Variants in SLC10A2 observed in about 807,000 individuals in gnomAD.
SLC10A2 encodes ileal sodium/bile acid cotransporter.
Under a neutral mutation model 27.1 loss-of-function variants are expected in SLC10A2, and 34 were observed. The ratio of observed to expected loss-of-function variants is 1.26; its 90% CI spans 0.96 to 1.67. The LOEUF is 1.67. Among genes scored for constraint, SLC10A2 ranks in the 40% most tolerant of loss-of-function variants. The pLI is 0.00. For synonymous variants in SLC10A2, 205 were observed against 174.0 expected (o/e 1.18, Z -1.40); for missense variants, 530 against 444.4 (o/e 1.19, Z -1.73).
intron 1 of SLC10A2, among the ~76,000 whole-genome samples, chr13:103,064,244 T>C (rs750468868): frequency 6.6e-6 from 1 of 151,274 alleles, no homozygotes. Flanking sequence ...CTACTTTTAG[T>C]TCTTATTAAA....
intron 5 of SLC10A2, 32 bp from the exon 6 acceptor site, chr13:103,046,292 T>G: frequency 6.4e-7 from 1 of 1,553,486 alleles, no homozygotes; most frequent in Non-Finnish European, 8.8e-7. Context: ...GTTAAGTAAA[T>G]TTTATAATAA....
intron 5 of SLC10A2, among the ~76,000 whole-genome samples, chr13:103,049,011 G>T (rs1321009639): frequency 6.6e-6 from 1 of 152,156 alleles, no homozygotes; most frequent in Admixed American, 6.5e-5. Context: ...GTCCCAACAG[G>T]TTCCTCTGCC....
chr13:103,058,612 C>T (rs115621355), intron 1 of SLC10A2, among the ~76,000 whole-genome samples: 4,066 of 152,188 alleles, frequency 0.027, 179 homozygotes, highest in African/African-American at 0.093. Flanking sequence ...TTCCTCCCAC[C>T]CTCCACCCTC....
chr13:103,051,267 G>A lies in SLC10A2; in HGVS notation c.751C>T (p.Pro251Ser), dbSNP rs1462240395. 2.5e-6 allele frequency: 4 copies of A among 1,613,744 alleles called. No homozygotes were observed. The African/African-American group carries it at 4.0e-5, about 16-fold the overall frequency. Residue 251 changes from proline (P) to serine (S), a missense_variant, in exon 4 of 6, where the codon CCC becomes TCC. Pro to Ser is a moderately conservative substitution (Grantham distance 74). Coordinates refer to ENST00000245312, the MANE Select transcript of SLC10A2 (RefSeq NM_000452.3). ...TACTAAATGCCATACCTGTACCAGG[G>A]TAGACCAGCAATTCTAGCCAGAAGA... is the stretch of plus-strand genomic sequence containing the variant. ...GFLLARIAGLPWYRCRTVAFE... is the reference protein window; with the variant it reads ...GFLLARIAGLSWYRCRTVAFE...
Position 103,048,201 on chromosome 13 carries a change from C to T in SLC10A2, c.919+1088G>A, listed in dbSNP as rs189090195. Among the ~76,000 whole-genome samples the T allele has an allele frequency of 5.7e-3, 871 of 151,970 alleles. 2 individuals carry two copies. The highest frequency in any genetic ancestry group is 0.01 in the Non-Finnish European group (694 of 67,960). On this transcript the variant is annotated intron_variant, in intron 5 of 5. Coordinates refer to ENST00000245312, the MANE Select transcript of SLC10A2 (RefSeq NM_000452.3). ...CGATCTCCTGACCTCATGATCTGCCCGCCTCGGAACCCCGTCTCTACTAAA... is the reference window on the plus strand; with the variant it reads ...CGATCTCCTGACCTCATGATCTGCCTGCCTCGGAACCCCGTCTCTACTAAA...
At chr13:103,056,445 A>G (rs1566513376) in intron 2 of SLC10A2, among the ~76,000 whole-genome samples, 1 of 152,102 alleles carries the variant, frequency 6.6e-6, no homozygotes, top group Non-Finnish European at 1.5e-5. Context: ...AGAATATGGT[A>G]TAAGTCATTC....
At position 103,045,055 on chromosome 13, in the gene SLC10A2, T is replaced by G. The variant is rs1489607773; in HGVS notation, c.*1078A>C. The G allele has an allele frequency of 6.6e-6, 1 of 152,250 alleles. No individual in the cohort carries two copies. Among genetic ancestry groups the G allele is most frequent in the Non-Finnish European group, 1.5e-5 (1 of 68,044 alleles). The allele number at this position is 152,250 out of a possible 1,614,324, so 9.4% of individuals were successfully genotyped here. A position where few individuals can be genotyped will look rare whatever the true frequency, so the allele number is the denominator to read the frequency against. On this transcript the variant is annotated 3_prime_UTR_variant, in exon 6 of 6. Transcript: ENST00000245312. ...TTTAATACTCATTTCCTGATCACTC[T>G]CGGACTTGATTCTTCTTATACTACT...
At chr13:103,049,817 T>C (rs1566510974) in intron 4 of SLC10A2, among the ~76,000 whole-genome samples, 1 of 152,066 alleles carries the variant, frequency 6.6e-6, no homozygotes, top group African/African-American at 2.4e-5. Flanking sequence ...GATATGGTAT[T>C]TGTTGTCGCT....
chr13:103,054,799 G>A (rs1875893976), intron 2 of SLC10A2, among the ~76,000 whole-genome samples: 1 of 152,034 alleles, frequency 6.6e-6, no homozygotes, highest in South Asian at 2.1e-4. Context: ...GCTTGTAGAG[G>A]TGGATGTTGT....
chr13:103,049,379 A>C lies in SLC10A2; in HGVS notation c.829T>G (p.Ser277Ala), dbSNP rs769930944. Residue 277 changes from serine to alanine, a missense_variant, in exon 5 of 6, where the codon TCC becomes GCC. By Grantham distance (99) the Ser-to-Ala change is moderately conservative. Transcript: ENST00000245312. ...TQLCSTIVQL[S>A]FTPEELNVVF... Reference sequence around the variant, plus strand: ...ACATTGAGCTCCTCAGGAGTGAAGGAGAGCTGAACGATGGTGGAACATAGC... The same window carrying C: ...ACATTGAGCTCCTCAGGAGTGAAGGCGAGCTGAACGATGGTGGAACATAGC... The C allele has an allele frequency of 6.2e-7, 1 of 1,614,072 alleles. No homozygotes were observed. Among genetic ancestry groups the C allele is most frequent in the Non-Finnish European group, 8.5e-7 (1 of 1,179,950 alleles).
At chr13:103,056,563 G>A (rs1352692717) in intron 2 of SLC10A2, among the ~76,000 whole-genome samples, 4 of 152,122 alleles carry the variant, frequency 2.6e-5, no homozygotes, top group Admixed American at 1.3e-4. Context: ...ATTACAGTGA[G>A]TATTGTGGAA....
intron 2 of SLC10A2, among the ~76,000 whole-genome samples, chr13:103,054,665 T>C (rs279913): frequency 0.42 from 64,261 of 151,918 alleles, 14,105 homozygotes; most frequent in African/African-American, 0.54. Flanking sequence ...CACCACCTGC[T>C]GAAATCCATG....
At chr13:103,051,102 C>T (rs1875763504) in intron 4 of SLC10A2, among the ~76,000 whole-genome samples, 155 bp downstream of exon 4, 2 of 152,098 alleles carry the variant, frequency 1.3e-5, no homozygotes, top group African/African-American at 4.8e-5. Flanking sequence ...TCAGTGACAC[C>T]TTCATTTTCA....
rs183439701 is a variant in SLC10A2 at position 103,054,188 on chromosome 13, G to T, written c.497-1480C>A. Among the ~76,000 whole-genome samples, 8 of 151,886 alleles carry T rather than the reference G, an allele frequency of 5.3e-5. No individual in the cohort carries two copies. In the East Asian group the frequency reaches 1.5e-3, roughly 29 times the overall value. The stretch of plus-strand genomic sequence containing the variant: ...ATGTGATCTGGTTGTCTATAAGTGT[G>T]CACACCTCCTTCTTTGCTCTCTTCC... On this transcript the variant is annotated intron_variant, in intron 2 of 5. Transcript: ENST00000245312.
At chr13:103,064,600 G>A (rs1876218136) in intron 1 of SLC10A2, among the ~76,000 whole-genome samples, 1 of 152,134 alleles carries the variant, frequency 6.6e-6, no homozygotes, top group Non-Finnish European at 1.5e-5. Flanking sequence ...AACAGGTGCT[G>A]GCATTTAGAA....
chr13:103,056,447 A>G (rs1305808969), intron 2 of SLC10A2, among the ~76,000 whole-genome samples: 1 of 152,112 alleles, frequency 6.6e-6, no homozygotes, highest in Non-Finnish European at 1.5e-5. Flanking sequence ...AATATGGTAT[A>G]AGTCATTCAC....
chr13:103,045,450 G>A lies in SLC10A2; in HGVS notation c.*683C>T, dbSNP rs912559035. The A allele has an allele frequency of 6.6e-6, 1 of 152,300 alleles. No individual in the cohort carries two copies. The highest frequency in any genetic ancestry group is 2.4e-5 in the African/African-American group (1 of 41,432). 9.4% of individuals were successfully genotyped at this position (152,300 alleles called of 1,614,324 possible). On this transcript the variant is annotated 3_prime_UTR_variant, in exon 6 of 6. Transcript: ENST00000245312. ...GGACCCCTGAGGTAGAGCAATAGAT[G>A]TACGATATCCCTGCTGAGTTAAGAG...
chr13:103,047,558 C>CT (rs1445219429), intron 5 of SLC10A2, among the ~76,000 whole-genome samples: 7 of 144,132 alleles, frequency 4.9e-5, no homozygotes, highest in African/African-American at 1.3e-4. Flanking sequence ...CCCATCCTTC[C>CT]TTTTTTCCCT....
rs563031989 is a variant in SLC10A2, at chr13:103,055,985, A to G, written c.496+2279T>C. Among the ~76,000 whole-genome samples, 17 of 152,314 alleles carry G rather than the reference A, an allele frequency of 1.1e-4. No individual in the cohort carries two copies. In the South Asian group the frequency reaches 2.9e-3, roughly 26 times the overall value. ...CCTTTGTTGTCTATTGCCTATACCT[A>G]TTTAGAAAAGTTTTAAATTATTAGC... is the stretch of plus-strand genomic sequence containing the variant. On this transcript the variant is annotated intron_variant, in intron 2 of 5. Transcript: ENST00000245312.
Sources: gnomAD v4.1 joint callset for allele counts (sites outside exome capture counted in the v4.1 genomes callset) on GRCh38, gnomAD v4.1.1 for gene constraint, MANE v1.5 for transcripts, NCBI Gene and HGNC (gene_info 2026-07-23, HGNC 2026-07-21) for gene names.